Variants in BCO2 observed in about 807,000 individuals in gnomAD.
The protein encoded by BCO2 is carotenoid-cleaving dioxygenase, mitochondrial.
In BCO2, 56 loss-of-function variants were observed where a neutral mutation model predicts 65.8. The ratio of observed to expected loss-of-function variants is 0.85; its 90% CI spans 0.69 to 1.06. The LOEUF is 1.06. Among genes scored for constraint, BCO2 ranks in the 50% least tolerant of loss-of-function variants. The pLI, the probability that BCO2 is intolerant of heterozygous loss-of-function variation, is 0.00. For missense variants in BCO2, 675 were observed against 698.5 expected, an observed-to-expected ratio of 0.97 and a Z score of 0.38; for synonymous variants, 233 against 242.3, an observed-to-expected ratio of 0.96 and a Z score of 0.36.
chr11:112,180,038 G>C (rs1280576598), intron 2 of BCO2, among the ~76,000 whole-genome samples: 1 of 152,164 alleles, frequency 6.6e-6, no homozygotes, highest in Non-Finnish European at 1.5e-5. Context: ...CAGGGCATTG[G>C]TTAGAGGACC....
chr11:112,181,374 G>A, intron 2 of BCO2: 1 of 531,630 alleles, frequency 1.9e-6, no homozygotes, highest in South Asian at 1.9e-5. Context: ...GTAGAGACGG[G>A]GTTTCACCGT....
chr11:112,193,663 C>T lies in BCO2; in HGVS notation c.483C>T (p.Phe161=), dbSNP rs1370418311. Residue 161 remains phenylalanine (F), a synonymous_variant, in exon 3 of 12, where the codon TTC becomes TTT. Transcript: ENST00000357685. ...CATGCAAGAATGTTTTTGAACGTTT[C>T]ATGTCCAGGTTTGAGCTGCCTGGTA... ...PDPCKNVFER[F]MSRFELPGKA... The T allele has an allele frequency of 6.2e-7, 1 of 1,613,956 alleles. No homozygotes were observed. The highest frequency in any genetic ancestry group is 8.5e-7 in the Non-Finnish European group (1 of 1,179,978).
intron 2 of BCO2, among the ~76,000 whole-genome samples, chr11:112,185,239 A>G (rs1468590126): frequency 2.0e-5 from 3 of 152,228 alleles, no homozygotes; most frequent in Admixed American, 6.5e-5. Context: ...CTGCAGAACA[A>G]TCTGAAAGAT....
At chr11:112,199,638 G>A (rs1328358808) in intron 5 of BCO2, 61 bp from the exon 6 acceptor site, 3 of 1,517,266 alleles carry the variant, frequency 2.0e-6, no homozygotes, top group East Asian at 4.5e-5. Flanking sequence ...ACAAGTGCAA[G>A]GGTTGTCTTT....
chr11:112,216,923 T>G (rs983224819), intron 11 of BCO2, among the ~76,000 whole-genome samples: 1 of 152,206 alleles, frequency 6.6e-6, no homozygotes, highest in Non-Finnish European at 1.5e-5. Flanking sequence ...CTTTTAAGGG[T>G]TCAGTAAGAA....
intron 9 of BCO2, 134 bp downstream of exon 9, chr11:112,213,995 A>T (rs527353969): frequency 2.9e-6 from 2 of 686,528 alleles, no homozygotes; most frequent in Non-Finnish European, 4.5e-6. Flanking sequence ...GTTATGTAAC[A>T]TCGCTTGCAC....
intron 5 of BCO2, among the ~76,000 whole-genome samples, chr11:112,198,597 G>A (rs938673987): frequency 6.6e-6 from 1 of 152,124 alleles, no homozygotes; most frequent in African/African-American, 2.4e-5. Flanking sequence ...AGTGCCTTTG[G>A]GGTGGGGAGG....
chr11:112,217,721 G>T (rs765579476), intron 11 of BCO2, 40 bp from the exon 12 acceptor site: 2 of 1,506,772 alleles, frequency 1.3e-6, no homozygotes, highest in South Asian at 1.1e-5. Context: ...AATTTTTGAT[G>T]AAAAAAAGAT....
chr11:112,207,170 G>A (rs556064724), intron 8 of BCO2, among the ~76,000 whole-genome samples: 32 of 152,064 alleles, frequency 2.1e-4, no homozygotes, highest in Admixed American at 7.9e-4. Flanking sequence ...TCTTTTTCTC[G>A]CCTTACTGTA....
At chr11:112,213,225 C>T (rs1354881304) in intron 8 of BCO2, among the ~76,000 whole-genome samples, 1 of 126,804 alleles carries the variant, frequency 7.9e-6, no homozygotes, top group Non-Finnish European at 1.6e-5. Flanking sequence ...CTCACCGCAA[C>T]TTCCACCTTC....
At chr11:112,202,271 C>T (rs1196334510) in intron 8 of BCO2, 81 bp downstream of exon 8, 29 of 605,144 alleles carry the variant, frequency 4.8e-5, no homozygotes, top group Non-Finnish European at 6.5e-5. Flanking sequence ...TTACATGTTT[C>T]TCTCTCTCTC....
At chr11:112,179,527 C>T in intron 2 of BCO2, 45 bp downstream of exon 2, 3 of 1,549,126 alleles carry the variant, frequency 1.9e-6, no homozygotes, top group South Asian at 1.1e-5. Flanking sequence ...TTGGCATGGG[C>T]TGGTTCTGTG....
Position 112,193,590 on chromosome 11 carries a change from A to G in BCO2, c.410A>G (p.Lys137Arg). The change falls in exon 3 of 12, where the codon AAA (lysine) becomes AGA (arginine). Residue 137 changes from lysine (K) to arginine (R), a missense_variant. By Grantham distance (26) the Lys-to-Arg change is conservative. Coordinates refer to ENST00000357685, the MANE Select transcript of BCO2 (RefSeq NM_031938.7). Reference protein sequence around the residue: ...QSDTYKANSAKNRIVISEFGT... With the variant: ...QSDTYKANSARNRIVISEFGT... The stretch of plus-strand genomic sequence containing the variant: ...GATACATATAAGGCCAACAGTGCTA[A>G]AAACCGAATTGTGATCTCAGAATTT... 1.2e-6 allele frequency: 2 copies of G among 1,614,172 alleles called. No homozygotes were observed. Among genetic ancestry groups the G allele is most frequent in the Non-Finnish European group, 1.7e-6 (2 of 1,180,022 alleles).
In BCO2 at chr11:112,199,688, T is replaced by C. The variant is rs1204936146; in HGVS notation, c.737-11T>C. 1.2e-6 allele frequency: 2 copies of C among 1,612,376 alleles called. No individual in the cohort carries two copies. The highest frequency in any genetic ancestry group is 2.2e-5 in the East Asian group (1 of 44,852). Reference sequence around the variant, plus strand: ...TGTAAAACAGGTAAGATAGGACTTTTCATTTTTCAGGTTTCTCCTATAAGG... The same window carrying C: ...TGTAAAACAGGTAAGATAGGACTTTCCATTTTTCAGGTTTCTCCTATAAGG... On this transcript the variant is annotated splice_polypyrimidine_tract_variant and intron_variant, in intron 5 of 11. Coordinates refer to ENST00000357685, the MANE Select transcript of BCO2 (RefSeq NM_031938.7).
intron 11 of BCO2, 75 bp downstream of exon 11, chr11:112,216,405 C>A: frequency 9.6e-7 from 1 of 1,036,358 alleles, no homozygotes; most frequent in Non-Finnish European, 1.5e-6. Context: ...GATGCACACT[C>A]ATCTGTCGAT....
At position 112,217,967 on chromosome 11, in the gene BCO2, G is replaced by C; in HGVS notation, c.*93G>C. On this transcript the variant is annotated 3_prime_UTR_variant, in exon 12 of 12. Coordinates refer to ENST00000357685, the MANE Select transcript of BCO2 (RefSeq NM_031938.7). ...AATAAACACTGAGGACTCCAAAAGG[G>C]GGGCAAGGAGGAAGAGGGGCAGGGG... 2.3e-6 allele frequency: 2 copies of C among 867,844 alleles called. No homozygotes were observed. The highest frequency in any genetic ancestry group is 1.7e-5 in the South Asian group (1 of 60,514). The allele number at this position is 867,844 out of a possible 1,614,324, so 53.8% of individuals were successfully genotyped here.
intron 2 of BCO2, among the ~76,000 whole-genome samples, chr11:112,191,018 G>C (rs537968813): frequency 6.7e-6 from 1 of 150,008 alleles, no homozygotes; most frequent in Non-Finnish European, 1.5e-5. Flanking sequence ...ATTATATCTT[G>C]GTGCTACAAG....
chr11:112,218,504 T>A lies in BCO2; in HGVS notation c.*630T>A. The A allele has an allele frequency of 3.6e-6, 1 of 277,868 alleles. No homozygotes were observed. Among genetic ancestry groups the A allele is most frequent in the Non-Finnish European group, 7.6e-6 (1 of 132,184 alleles). The allele number at this position is 277,868 out of a possible 1,614,324, so 17.2% of individuals were successfully genotyped here. A position where few individuals can be genotyped will look rare whatever the true frequency, so the allele number is the denominator to read the frequency against. ...CCTGCACCCAACTGCAATGAGCCTA[T>A]GTATGTCAAGTTGGTGGAGTCCCAT... On this transcript the variant is annotated 3_prime_UTR_variant, in exon 12 of 12. Transcript: ENST00000357685.
intron 5 of BCO2, 95 bp from the exon 6 acceptor site, chr11:112,199,604 C>A: frequency 9.1e-7 from 1 of 1,097,142 alleles, no homozygotes; most frequent in South Asian, 1.6e-5. Flanking sequence ...TTGCATAAAT[C>A]TCTTAATTGC....
Sources: gnomAD v4.1 joint callset for allele counts (sites outside exome capture counted in the v4.1 genomes callset) on GRCh38, gnomAD v4.1.1 for gene constraint, MANE v1.5 for transcripts, NCBI Gene and HGNC (gene_info 2026-07-23, HGNC 2026-07-21) for gene names.